KIAA1217: variants seen among roughly 807,000 people sequenced by gnomAD.
KIAA1217 encodes sickle tail protein homolog.
A neutral mutation model predicts 163.9 loss-of-function variants in KIAA1217; 88 were observed. The observed-to-expected ratio is 0.54, with a 90% CI of 0.45 to 0.64. The LOEUF (loss-of-function observed/expected upper bound fraction) is 0.64, where lower values mean the gene tolerates loss of function less well. Ranked by LOEUF, KIAA1217 falls within the 30% of genes least tolerant of loss-of-function variation. KIAA1217 has a pLI of 0.00. For synonymous variants in KIAA1217, 903 were observed against 923.1 expected, an observed-to-expected ratio of 0.98 and a Z score of 0.39; for missense variants, 2,372 against 2,475.0, an observed-to-expected ratio of 0.96 and a Z score of 0.88.
chr10:24,473,616 G>C lies in KIAA1217; in HGVS notation c.1235G>C (p.Gly412Ala). ...ATGAGCATAGCCTCATCCCATGGTG[G>C]ACACCCACTGGATGTCCCCGACCAC... ...GRMSIASSHG[G>A]HPLDVPDHII... is the part of the protein sequence containing the mutation. Residue 412 changes from glycine (G) to alanine (A), a missense_variant, in exon 6 of 21, where the codon GGA becomes GCA. Gly to Ala is a moderately conservative substitution (Grantham distance 60, BLOSUM62 0). Coordinates refer to ENST00000376454, the MANE Select transcript of KIAA1217 (RefSeq NM_019590.5). 6.2e-7 allele frequency: 1 copy of C among 1,614,124 alleles called. No individual in the cohort carries two copies. The highest frequency in any genetic ancestry group is 8.5e-7 in the Non-Finnish European group (1 of 1,180,024).
intron 2 of KIAA1217, among the ~76,000 whole-genome samples, chr10:24,327,241 A>G (rs2133440769): frequency 6.6e-6 from 1 of 152,340 alleles, no homozygotes; most frequent in South Asian, 2.1e-4. Flanking sequence ...GATGCCAAAT[A>G]CAGACGTTTC....
chr10:23,816,098 C>G (rs183447314), intron 1 of KIAA1217, among the ~76,000 whole-genome samples: 69 of 152,286 alleles, frequency 4.5e-4, no homozygotes, highest in African/African-American at 1.6e-3. Flanking sequence ...AGCAAAACTT[C>G]AAGAATGTTA....
intron 2 of KIAA1217, among the ~76,000 whole-genome samples, chr10:24,018,508 T>A (rs913064435): frequency 2.4e-4 from 37 of 151,672 alleles, no homozygotes; most frequent in African/African-American, 8.7e-4. Context: ...TGTATACATA[T>A]GTAACAAACC....
intron 1 of KIAA1217, among the ~76,000 whole-genome samples, chr10:23,788,892 C>T (rs1248509548): frequency 1.3e-5 from 2 of 152,296 alleles, no homozygotes; most frequent in Non-Finnish European, 2.9e-5. Flanking sequence ...TTACCAATGT[C>T]CTTTTAATTG....
intron 1 of KIAA1217, among the ~76,000 whole-genome samples, chr10:23,842,887 G>T (rs1379387062): frequency 6.6e-6 from 1 of 152,082 alleles, no homozygotes; most frequent in East Asian, 1.9e-4. Context: ...TTTGAACACT[G>T]ATATGAAAGG....
intron 2 of KIAA1217, among the ~76,000 whole-genome samples, chr10:24,358,132 T>C (rs1226873990): frequency 6.6e-6 from 1 of 152,218 alleles, no homozygotes; most frequent in Non-Finnish European, 1.5e-5. Flanking sequence ...TGGATGAAGA[T>C]ATTCATGCCT....
intron 5 of KIAA1217, among the ~76,000 whole-genome samples, chr10:24,440,232 G>C (rs1249428725): frequency 1.3e-5 from 2 of 152,252 alleles, no homozygotes; most frequent in East Asian, 3.8e-4. Flanking sequence ...GTGTAAACCA[G>C]AGCCACATGG....
At chr10:23,990,335 G>A (rs1160567839) in intron 1 of KIAA1217, among the ~76,000 whole-genome samples, 1 of 152,156 alleles carries the variant, frequency 6.6e-6, no homozygotes, top group Non-Finnish European at 1.5e-5. Flanking sequence ...CTATTTGTCA[G>A]TTCTGCTTAA....
Position 23,987,079 on chromosome 10 carries a change from C to T in KIAA1217, c.-320-20146C>T, listed in dbSNP as rs1489146311. ...GTTATGCCAGATGTTAAAAAGGTTT[C>T]CAAAAACGTAAAAAAGGGCCAGGCG... On this transcript the variant is annotated intron_variant, in intron 1 of 18. Transcript: ENST00000376462. 7.2e-5 allele frequency among the ~76,000 whole-genome samples: 11 copies of T among 152,054 alleles called. No homozygotes were observed. In the Middle Eastern group the frequency reaches 0.01, roughly 141 times the overall value.
At chr10:24,098,724 C>CGTGT (rs10524680) in intron 2 of KIAA1217, among the ~76,000 whole-genome samples, 2,272 of 139,348 alleles carry the variant, frequency 0.016, 19 homozygotes, top group East Asian at 0.037. Flanking sequence ...TGAAGGGGAG[C>CGTGT]GTGTGTGTGT....
At chr10:24,465,188 T>C (rs1433567952) in intron 5 of KIAA1217, among the ~76,000 whole-genome samples, 1 of 152,160 alleles carries the variant, frequency 6.6e-6, no homozygotes, top group African/African-American at 2.4e-5. Flanking sequence ...AACAAACCCT[T>C]GCTGATTAGA....
At chr10:24,524,302 G>T in intron 12 of KIAA1217, 21 bp from the exon 13 acceptor site, 1 of 1,594,024 alleles carries the variant, frequency 6.3e-7, no homozygotes, top group Non-Finnish European at 8.6e-7. Context: ...GGTTAATGCC[G>T]CTGTGCATGG....
At chr10:23,993,552 G>GGTTTTTTTTTTTTTTTT (rs1564594837) in intron 1 of KIAA1217, among the ~76,000 whole-genome samples, 1 of 39,438 alleles carries the variant, frequency 2.5e-5, no homozygotes, top group Admixed American at 2.1e-4. Flanking sequence ...CCATAGCCCA[G>GGTTTTTTTTTTTTTTTT]CTTTTTTTTT....
At chr10:24,286,442 G>A (rs551420248) in intron 2 of KIAA1217, among the ~76,000 whole-genome samples, 155 of 149,312 alleles carry the variant, frequency 1.0e-3, no homozygotes, top group Non-Finnish European at 1.6e-3. Flanking sequence ...ACACACACAC[G>A]CATATATATA....
intron 1 of KIAA1217, among the ~76,000 whole-genome samples, chr10:23,860,048 C>T (rs191574585): frequency 1.8e-4 from 27 of 152,148 alleles, no homozygotes; most frequent in South Asian, 8.3e-4. Flanking sequence ...GGGCTGAGAG[C>T]GAGCAGGAAT....
upstream of KIAA1217, chr10:24,209,107 G>A (rs577151880): frequency 1.7e-6 from 2 of 1,158,470 alleles, no homozygotes; most frequent in Non-Finnish European, 2.6e-6. Flanking sequence ...CCAGCCCCGG[G>A]CCCCCTCCCA....
At position 23,893,619 on chromosome 10, in the gene KIAA1217, G is replaced by C. The variant is rs542562750; in HGVS notation, c.-320-113606G>C. On this transcript the variant is annotated intron_variant, in intron 1 of 18. Transcript: ENST00000376462. ...TTTTGGATCTTCCCTGCTTTCTCTT[G>C]TGGGCATTGAGTGCTATAAATTTCC... Among the ~76,000 whole-genome samples the C allele has an allele frequency of 2.6e-5, 4 of 152,062 alleles. No homozygotes were observed. In the South Asian group the frequency reaches 8.3e-4, roughly 32 times the overall value.
At chr10:24,397,106 C>CTGTTTTT (rs1200787890) in intron 3 of KIAA1217, among the ~76,000 whole-genome samples, 29 of 138,230 alleles carry the variant, frequency 2.1e-4, no homozygotes, top group African/African-American at 7.7e-4. Flanking sequence ...ATGTAAGAAA[C>CTGTTTTT]TCTTTTTTTT....
At chr10:24,500,141 C>A (rs1343476565) in intron 8 of KIAA1217, among the ~76,000 whole-genome samples, 1 of 151,632 alleles carries the variant, frequency 6.6e-6, no homozygotes, top group Non-Finnish European at 1.5e-5. Context: ...GCAAGGCCAG[C>A]CTGGCCTGTG....
Sources: allele counts gnomAD v4.1 joint callset (sites outside exome capture counted in the v4.1 genomes callset), GRCh38; gene constraint gnomAD v4.1.1; transcripts MANE v1.5; gene names NCBI Gene and HGNC (gene_info 2026-07-23, HGNC 2026-07-21).